NELL2: variants seen among roughly 807,000 people sequenced by gnomAD.
NELL2 encodes protein kinase C-binding protein NELL2.
In NELL2, 41 loss-of-function variants were observed where a neutral mutation model predicts 109.6. That is an observed-to-expected ratio of 0.37 (90% CI 0.29 to 0.49). The LOEUF (loss-of-function observed/expected upper bound fraction) is 0.49. Among genes scored for constraint, NELL2 ranks in the 20% least tolerant of loss-of-function variants. The pLI is 0.98. For synonymous variants in NELL2, 355 were observed against 344.7 expected (o/e 1.03, Z -0.33); for missense variants, 900 against 1,008.3 (o/e 0.89, Z 1.45).
rs1024097060 is a variant in NELL2, at chr12:44,578,635, T to G, written c.1663+28534A>C. Among the ~76,000 whole-genome samples the G allele has an allele frequency of 7.2e-4, 109 of 152,220 alleles. 1 individual carries two copies. The highest frequency in any genetic ancestry group is 2.2e-3 in the African/African-American group (93 of 41,536). On this transcript the variant is annotated intron_variant, in intron 15 of 19. Transcript: ENST00000429094. ...TATACCTTGCAAATATAGCCTTTTT[T>G]TTTTTTTGTGGCAACAAAAAACTCC...
chr12:44,882,496 ACACACACACG>A (rs1204589926), intron 1 of NELL2, among the ~76,000 whole-genome samples: 6 of 151,528 alleles, frequency 4.0e-5, no homozygotes, highest in East Asian at 3.9e-4. Flanking sequence ...ACACACATAT[ACACACACACG>A]CACACACACG....
chr12:44,875,278 C>A lies in NELL2; in HGVS notation c.131G>T (p.Gly44Val). 1 of 1,614,144 alleles carries A rather than the reference C, an allele frequency of 6.2e-7. No homozygotes were observed. Among genetic ancestry groups the A allele is most frequent in the Non-Finnish European group, 8.5e-7 (1 of 1,180,032 alleles). The change falls in exon 2 of 20, where the codon GGA becomes GTA. Residue 44 changes from glycine to valine, a missense_variant. This residue lies in a region of NELL2 where 200 missense variants were observed against 191.8 expected (regional missense o/e 1.04). Coordinates refer to ENST00000429094, the MANE Select transcript of NELL2 (RefSeq NM_001145108.2). ...ATGCAGCCCCGGGACCTGACGCACT[C>A]CGGTCGTGGACTCCCCAAGTTCTAA... ...TELELGESTT[G>V]VRQVPGLHNG...
At position 44,508,992 on chromosome 12, in the gene NELL2, TA is replaced by T. The variant is rs771633333; in HGVS notation, c.2401-9del. On this transcript the variant is annotated splice_polypyrimidine_tract_variant and intron_variant, in intron 19 of 19. Transcript: ENST00000429094. ...GCAACAGATGTGGCCATTCTAGATT[TA>T]AAAAAAGTAGAAAGAAAAACAGTAT... 2 of 1,610,372 alleles carry T rather than the reference TA, an allele frequency of 1.2e-6. No homozygotes were observed. Among genetic ancestry groups the T allele is most frequent in the Non-Finnish European group, 1.7e-6 (2 of 1,177,590 alleles).
intron 13 of NELL2, among the ~76,000 whole-genome samples, chr12:44,637,903 A>G (rs1376207745): frequency 6.6e-6 from 1 of 152,008 alleles, no homozygotes; most frequent in African/African-American, 2.4e-5. Flanking sequence ...CTGATTTTCA[A>G]AATTACTACA....
chr12:44,621,959 C>T (rs1397042425), intron 13 of NELL2, among the ~76,000 whole-genome samples: 4 of 152,018 alleles, frequency 2.6e-5, no homozygotes, highest in African/African-American at 9.7e-5. Flanking sequence ...TGTCCTCACG[C>T]TGTCAGGGAT....
intron 9 of NELL2, among the ~76,000 whole-genome samples, chr12:44,744,304 T>C (rs1336067816): frequency 6.6e-6 from 1 of 150,902 alleles, no homozygotes; most frequent in African/African-American, 2.4e-5. Flanking sequence ...CAAAGCAGTG[T>C]GTAGAGGGAA....
chr12:44,715,552 G>A (rs1260637888), intron 9 of NELL2, among the ~76,000 whole-genome samples: 1 of 151,940 alleles, frequency 6.6e-6, no homozygotes, highest in Non-Finnish European at 1.5e-5. Context: ...AGCTAATGAT[G>A]CCTAATTTTC....
chr12:44,779,479 G>GA (rs140574572), intron 5 of NELL2, among the ~76,000 whole-genome samples, 184 bp downstream of exon 5: 4,547 of 152,012 alleles, frequency 0.03, 230 homozygotes, highest in African/African-American at 0.1. Flanking sequence ...TAAACTCATT[G>GA]AAAAAAGAAG....
rs777858390 is a variant in NELL2, at chr12:44,774,732, A to C, written c.994+15T>G. The C allele has an allele frequency of 1.3e-6, 2 of 1,597,090 alleles. No individual in the cohort carries two copies. Among genetic ancestry groups the C allele is most frequent in the Non-Finnish European group, 1.7e-6 (2 of 1,164,496 alleles). On this transcript the variant is annotated intron_variant, in intron 9 of 19. Coordinates refer to ENST00000429094, the MANE Select transcript of NELL2 (RefSeq NM_001145108.2). ...TTTTTCCAAAGAAAGTATTCATCAT[A>C]AAAGTTATGCTCACATTTGCATTCC...
At chr12:44,654,971 T>G (rs1024726937) in intron 13 of NELL2, among the ~76,000 whole-genome samples, 1 of 152,162 alleles carries the variant, frequency 6.6e-6, no homozygotes, top group African/African-American at 2.4e-5. Flanking sequence ...AAGGCATCTG[T>G]TGAGCTTCAA....
chr12:44,532,613 C>T lies in NELL2; in HGVS notation c.1772G>A (p.Gly591Glu). The T allele has an allele frequency of 6.2e-7, 1 of 1,613,514 alleles. No individual in the cohort carries two copies. The highest frequency in any genetic ancestry group is 8.5e-7 in the Non-Finnish European group (1 of 1,179,638). ...CECRDGYHDN[G>E]MFSPSGESCE... ...CGATTCTCCACTTGGTGAAAACATC[C>T]CATTGTCATGGTAGCCATCTCTGCA... The change falls in exon 16 of 20, where the codon GGG (glycine) becomes GAG (glutamate). Residue 591 changes from glycine to glutamate, a missense_variant. Gly to Glu is a moderately conservative substitution (Grantham distance 98, BLOSUM62 -2). Coordinates refer to ENST00000429094, the MANE Select transcript of NELL2 (RefSeq NM_001145108.2).
chr12:44,718,103 C>A (rs1938585104), intron 9 of NELL2, among the ~76,000 whole-genome samples: 1 of 152,158 alleles, frequency 6.6e-6, no homozygotes, highest in Admixed American at 6.5e-5. Flanking sequence ...AAAATGTTGT[C>A]CCTCCTTGAG....
chr12:44,648,628 A>G (rs1947179660), intron 13 of NELL2, among the ~76,000 whole-genome samples: 1 of 151,482 alleles, frequency 6.6e-6, no homozygotes, highest in African/African-American at 2.4e-5. Flanking sequence ...ACAGAGAATG[A>G]GATAGTATCA....
intron 15 of NELL2, among the ~76,000 whole-genome samples, chr12:44,545,264 A>C (rs1463186480): frequency 1.3e-5 from 2 of 152,084 alleles, no homozygotes; most frequent in African/African-American, 2.4e-5. Flanking sequence ...CCAATGTGTA[A>C]GATACAAGAC....
At chr12:44,784,677 C>T (rs1237410442) in intron 3 of NELL2, among the ~76,000 whole-genome samples, 1 of 152,164 alleles carries the variant, frequency 6.6e-6, no homozygotes. Flanking sequence ...AAAAGCTTAT[C>T]CACCACGATC....
intron 15 of NELL2, among the ~76,000 whole-genome samples, chr12:44,568,024 G>A (rs1469337174): frequency 6.6e-6 from 1 of 152,010 alleles, no homozygotes; most frequent in African/African-American, 2.4e-5. Flanking sequence ...ACTAATTGAA[G>A]ACTTGAATAT....
At chr12:44,596,958 A>C (rs1944989275) in intron 15 of NELL2, among the ~76,000 whole-genome samples, 1 of 152,216 alleles carries the variant, frequency 6.6e-6, no homozygotes, top group Non-Finnish European at 1.5e-5. Flanking sequence ...ACTGTTCCAA[A>C]CAACTATAGC....
chr12:44,658,514 C>T (rs1377751182), intron 13 of NELL2, among the ~76,000 whole-genome samples: 2 of 152,050 alleles, frequency 1.3e-5, no homozygotes, highest in African/African-American at 4.8e-5. Context: ...GGCCATACTG[C>T]CCAAAGTAAT....
intron 15 of NELL2, among the ~76,000 whole-genome samples, chr12:44,560,636 G>T (rs937435717): frequency 7.9e-5 from 12 of 152,160 alleles, no homozygotes; most frequent in African/African-American, 2.9e-4. Context: ...CCAGGAAGAA[G>T]TCGAATCCCT....
Sources: gnomAD v4.1 joint callset for allele counts (sites outside exome capture counted in the v4.1 genomes callset) on GRCh38, gnomAD v4.1.1 for gene constraint, gnomAD v4.1.1 regional missense constraint, MANE v1.5 for transcripts, NCBI Gene and HGNC (gene_info 2026-07-23, HGNC 2026-07-21) for gene names.